KDM5B: variants seen among roughly 807,000 people sequenced by gnomAD.
The protein encoded by KDM5B is lysine-specific demethylase 5B.
Under a neutral mutation model 193.4 loss-of-function variants are expected in KDM5B, and 144 were observed. The ratio of observed to expected loss-of-function variants is 0.74; its 90% confidence interval spans 0.65 to 0.86. The LOEUF (loss-of-function observed/expected upper bound fraction) is 0.86. Ranked by LOEUF, KDM5B falls within the 40% of genes least tolerant of loss-of-function variation. The pLI is 0.00. For missense variants in KDM5B, 1,833 were observed against 1,886.9 expected, an observed-to-expected ratio of 0.97 and a Z score of 0.53; for synonymous variants, 668 against 682.6, an observed-to-expected ratio of 0.98 and a Z score of 0.33.
chr1:202,806,376 G>A (rs1427274947), intron 1 of KDM5B: 1 of 152,176 alleles, frequency 6.6e-6, no homozygotes, highest in Non-Finnish European at 1.5e-5. Flanking sequence ...GTGACATGAA[G>A]CTACATTACT....
At chr1:202,746,622 C>T (rs1655571130) in intron 14 of KDM5B, 1 of 245,300 alleles carries the variant, frequency 4.1e-6, no homozygotes, top group Admixed American at 5.3e-5. Context: ...TGTTCTACTA[C>T]AAATTAGCCT....
chr1:202,736,131 G>A (rs1268660235), intron 21 of KDM5B, 82 bp downstream of exon 21: 5 of 990,998 alleles, frequency 5.0e-6, no homozygotes, highest in Non-Finnish European at 7.2e-6. Flanking sequence ...AATCTGTGAT[G>A]TCATCTTTGT....
At chr1:202,769,302 C>A (rs1473174806) in intron 4 of KDM5B, among the ~76,000 whole-genome samples, 1 of 151,156 alleles carries the variant, frequency 6.6e-6, no homozygotes, top group African/African-American at 2.4e-5. Context: ...TCCCAAAGTG[C>A]TGGGATTACA....
At chr1:202,741,807 T>C (rs1015435256) in intron 18 of KDM5B, 85 bp from the exon 19 acceptor site, 1 of 730,960 alleles carries the variant, frequency 1.4e-6, no homozygotes, top group African/African-American at 1.8e-5. Context: ...AAATTCATAT[T>C]CAATGAGATC....
chr1:202,806,922 C>T (rs1658316952), intron 1 of KDM5B: 1 of 152,242 alleles, frequency 6.6e-6, no homozygotes, highest in Non-Finnish European at 1.5e-5. Context: ...TAGGCCAACT[C>T]GGACTCAGAC....
intron 1 of KDM5B, chr1:202,806,582 T>C (rs1385329354): frequency 2.0e-5 from 3 of 152,220 alleles, no homozygotes; most frequent in Non-Finnish European, 2.9e-5. Context: ...AGTTATTTTC[T>C]GAAGCATGTA....
intron 4 of KDM5B, among the ~76,000 whole-genome samples, chr1:202,767,858 G>C (rs1177978170): frequency 5.9e-5 from 9 of 151,928 alleles, no homozygotes; most frequent in Admixed American, 5.9e-4. Context: ...TTGTTAGAAA[G>C]GCCCCTTATA....
chr1:202,732,059 A>G, intron 23 of KDM5B, 120 bp from the exon 24 acceptor site: 1 of 624,286 alleles, frequency 1.6e-6, no homozygotes, highest in South Asian at 1.9e-5. Context: ...AAAAAAAAAC[A>G]ACTTGATTTT....
rs765323671 is a variant in KDM5B at position 202,766,964 on chromosome 1, A to T, written c.673T>A (p.Cys225Ser). The T allele has an allele frequency of 1.9e-6, 3 of 1,584,242 alleles. No homozygotes were observed. The highest frequency in any genetic ancestry group is 2.6e-6 in the Non-Finnish European group (3 of 1,172,980). Residue 225 changes from cysteine (C) to serine (S), a missense_variant, in exon 5 of 27, where the codon TGC becomes AGC. This residue lies in a region of KDM5B where 355 missense variants were observed against 374.9 expected (regional missense o/e 0.95). Coordinates refer to ENST00000367265, the MANE Select transcript of KDM5B (RefSeq NM_006618.5). ...QRQSVQPSETCPPARRAKRMR... is the reference protein window; with the variant it reads ...QRQSVQPSETSPPARRAKRMR... ...CGTTTTGCTCGTCGGGCTGGGGGGC[A>T]CGTTTCCGAAGGCTGCACAGACTGC...
At position 202,728,211 on chromosome 1, in the gene KDM5B, G is replaced by A. The variant is rs1654743564; in HGVS notation, c.*825C>T. The A allele has an allele frequency of 6.6e-6, 1 of 152,404 alleles. No individual in the cohort carries two copies. Among genetic ancestry groups the A allele is most frequent in the South Asian group, 2.1e-4 (1 of 4,806 alleles). The allele number at this position is 152,404 out of a possible 1,614,324, so 9.4% of individuals were successfully genotyped here. On this transcript the variant is annotated 3_prime_UTR_variant, in exon 27 of 27. Transcript: ENST00000367265. ...TCAGCATTTAGTGTTATGTTAGGAC[G>A]AAGGATTTATTCCACAATATAAACT...
At chr1:202,769,815 A>T (rs911648637) in intron 4 of KDM5B, among the ~76,000 whole-genome samples, 2 of 152,162 alleles carry the variant, frequency 1.3e-5, no homozygotes, top group African/African-American at 4.8e-5. Flanking sequence ...CATTTAGAGT[A>T]TGTTTAATGA....
At chr1:202,804,955 A>C (rs1658233962) in intron 1 of KDM5B, among the ~76,000 whole-genome samples, 1 of 152,194 alleles carries the variant, frequency 6.6e-6, no homozygotes, top group African/African-American at 2.4e-5. Context: ...TAAAGCCATA[A>C]ATATATTCCT....
chr1:202,768,215 G>T (rs961754787), intron 4 of KDM5B, among the ~76,000 whole-genome samples: 2 of 152,164 alleles, frequency 1.3e-5, no homozygotes, highest in African/African-American at 4.8e-5. Flanking sequence ...CTAAAGGAGG[G>T]TATTTAATGC....
chr1:202,757,343 T>C lies in KDM5B; in HGVS notation c.1198-827A>G, dbSNP rs146237299. Among the ~76,000 whole-genome samples the C allele has an allele frequency of 6.4e-4, 97 of 152,256 alleles. 1 individual carries two copies. Among genetic ancestry groups the C allele is most frequent in the Middle Eastern group, 6.8e-3 (2 of 294 alleles). On this transcript the variant is annotated intron_variant, in intron 9 of 26. Coordinates refer to ENST00000367265, the MANE Select transcript of KDM5B (RefSeq NM_006618.5). ...GGTTGGGGACTTCCAGTATATATGA[T>C]ATAACAAAAGGAGCAACTTGTAGCA... is the stretch of plus-strand genomic sequence containing the variant.
chr1:202,735,373 G>T, intron 22 of KDM5B, 56 bp downstream of exon 22: 1 of 1,542,280 alleles, frequency 6.5e-7, no homozygotes. Context: ...AACAGAAAGG[G>T]TTAGAAATTA....
At chr1:202,750,269 T>C (rs1165348840) in intron 13 of KDM5B, among the ~76,000 whole-genome samples, 2 of 152,140 alleles carry the variant, frequency 1.3e-5, no homozygotes, top group African/African-American at 4.8e-5. Context: ...TCAAGGCAAC[T>C]ATCCATGTGA....
chr1:202,734,763 T>C (rs1255380808), intron 22 of KDM5B, among the ~76,000 whole-genome samples: 8 of 152,204 alleles, frequency 5.3e-5, no homozygotes, highest in Non-Finnish European at 8.8e-5. Context: ...AGGCAACCCA[T>C]GTCTATCACA....
chr1:202,766,492 C>CT, intron 5 of KDM5B: 2 of 428,594 alleles, frequency 4.7e-6, no homozygotes, highest in Non-Finnish European at 9.2e-6. Flanking sequence ...GGCAACACAG[C>CT]GAGACTCTGT....
At chr1:202,759,343 C>T (rs751078711) in intron 8 of KDM5B, among the ~76,000 whole-genome samples, 16 of 151,962 alleles carry the variant, frequency 1.1e-4, no homozygotes, top group Non-Finnish European at 2.2e-4. Context: ...GTTCTGAGAC[C>T]AGCATGGACA....
Sources: allele counts gnomAD v4.1 joint callset (sites outside exome capture counted in the v4.1 genomes callset), GRCh38; gene constraint gnomAD v4.1.1; regional missense constraint gnomAD v4.1.1; transcripts MANE v1.5; gene names NCBI Gene and HGNC (gene_info 2026-07-23, HGNC 2026-07-21).